The following ABRAXAS1 variants were observed in gnomAD, a reference collection of about 807,000 sequenced individuals.
ABRAXAS1 encodes the protein BRCA1-A complex subunit Abraxas 1.
ABRAXAS1 carries 26 observed loss-of-function variants against 38.4 expected under a neutral mutation model. That is an observed-to-expected ratio of 0.68 (90% CI 0.50 to 0.94). The LOEUF is 0.94. Ranked by LOEUF, ABRAXAS1 falls within the 40% of genes least tolerant of loss-of-function variation. ABRAXAS1 has a pLI of 0.00. For synonymous variants in ABRAXAS1, 144 were observed against 165.5 expected (o/e 0.87, Z 1.00); for missense variants, 438 against 481.9 (o/e 0.91, Z 0.85).
intron 7 of ABRAXAS1, among the ~76,000 whole-genome samples, chr4:83,466,124 T>C (rs1722343280): frequency 6.6e-6 from 1 of 152,168 alleles, no homozygotes; most frequent in South Asian, 2.1e-4. Flanking sequence ...AAAGACTCCC[T>C]ATCAGCCTAG....
At chr4:83,482,775 G>C (rs1263280585) in intron 1 of ABRAXAS1, among the ~76,000 whole-genome samples, 1 of 152,062 alleles carries the variant, frequency 6.6e-6, no homozygotes, top group Non-Finnish European at 1.5e-5. Context: ...TAGCCCTGGG[G>C]AGGCTACAGA....
chr4:83,462,138 C>A lies in ABRAXAS1; in HGVS notation c.*331G>T. On this transcript the variant is annotated 3_prime_UTR_variant, in exon 9 of 9. Transcript: ENST00000321945. ...TAACTCCTAACTTCAATCAATCCTC[C>A]TGACTTGTCTTCCCTAAGTGCTGGG... The A allele has an allele frequency of 3.7e-6, 1 of 268,308 alleles. No individual in the cohort carries two copies. The highest frequency in any genetic ancestry group is 5.2e-5 in the Admixed American group (1 of 19,414). 16.6% of individuals were successfully genotyped at this position (268,308 alleles called of 1,614,324 possible). A position where few individuals can be genotyped will look rare whatever the true frequency, so the allele number is the denominator to read the frequency against.
intron 6 of ABRAXAS1, among the ~76,000 whole-genome samples, chr4:83,467,844 CTA>C (rs1382417528): frequency 6.6e-6 from 1 of 152,114 alleles, no homozygotes; most frequent in Non-Finnish European, 1.5e-5. Flanking sequence ...AAAAAAGTCT[CTA>C]TTGGCAATGG....
intron 1 of ABRAXAS1, among the ~76,000 whole-genome samples, chr4:83,483,538 G>A (rs528111884): frequency 2.2e-4 from 34 of 151,928 alleles, no homozygotes; most frequent in African/African-American, 7.5e-4. Flanking sequence ...CTGCCTCCGC[G>A]TCCCAAAGTG....
rs1722700241 is a variant in ABRAXAS1, at chr4:83,474,567, C to T, written c.215+2076G>A. On this transcript the variant is annotated intron_variant, in intron 3 of 8. Coordinates refer to ENST00000321945, the MANE Select transcript of ABRAXAS1 (RefSeq NM_139076.3). ...TCTCTACTAAAAATACAAAAAAAAT[C>T]AGCCGGGCTTGGTGGCACCCATCTG... Among the ~76,000 whole-genome samples the T allele has an allele frequency of 2.0e-5, 3 of 151,942 alleles. No homozygotes were observed. The South Asian group carries it at 6.2e-4, about 32-fold the overall frequency.
chr4:83,473,577 G>A (rs888752411), intron 3 of ABRAXAS1, among the ~76,000 whole-genome samples: 3 of 151,770 alleles, frequency 2.0e-5, no homozygotes, highest in Non-Finnish European at 2.9e-5. Context: ...TTTGAGACAC[G>A]GTCTCGCTCT....
In ABRAXAS1 at chr4:83,482,150, T is replaced by C. The variant is rs879236974; in HGVS notation, c.178+4A>G. 6.3e-7 allele frequency: 1 copy of C among 1,576,922 alleles called. No individual in the cohort carries two copies. The highest frequency in any genetic ancestry group is 1.1e-5 in the South Asian group (1 of 88,412). On this transcript the variant is annotated splice_donor_region_variant and intron_variant, in intron 2 of 8. Coordinates refer to ENST00000321945, the MANE Select transcript of ABRAXAS1 (RefSeq NM_139076.3). ...TTCAAATATAGGAGAAATAAATAACTCACCAATTGTATAAACAACTTCAAC... is the reference window on the plus strand; with the variant it reads ...TTCAAATATAGGAGAAATAAATAACCCACCAATTGTATAAACAACTTCAAC...
rs746885355 is a variant in ABRAXAS1, at chr4:83,463,585, G to A, written c.705C>T (p.Asp235=). 6.2e-7 allele frequency: 1 copy of A among 1,607,856 alleles called. No homozygotes were observed. Among genetic ancestry groups the A allele is most frequent in the South Asian group, 1.1e-5 (1 of 90,100 alleles). The part of the protein sequence containing the change: ...ELKSICKKVE[D]SEQAVDKLVK... ...CTAGTTTATCTACTGCTTGTTCACT[G>A]TCTTCCACTTTTTTGCATATACTCT... Residue 235 remains aspartate, a synonymous_variant, in exon 8 of 9, where the codon GAC becomes GAT. Transcript: ENST00000321945.
At chr4:83,474,002 C>T (rs570893385) in intron 3 of ABRAXAS1, among the ~76,000 whole-genome samples, 234 of 151,364 alleles carry the variant, frequency 1.5e-3, no homozygotes, top group South Asian at 8.4e-3. Flanking sequence ...ATTAGCCAGG[C>T]GTGGTGGTGC....
At chr4:83,466,685 A>G (rs543025659) in intron 7 of ABRAXAS1, among the ~76,000 whole-genome samples, 22 of 151,992 alleles carry the variant, frequency 1.4e-4, no homozygotes, top group Admixed American at 7.9e-4. Context: ...ACAGGCGCCC[A>G]CCACCATGCC....
At chr4:83,471,333 A>G (rs1416930725) in intron 4 of ABRAXAS1, among the ~76,000 whole-genome samples, 2 of 149,798 alleles carry the variant, frequency 1.3e-5, no homozygotes, top group African/African-American at 4.9e-5. Flanking sequence ...CCTCCTGAGT[A>G]GCTCAGATTA....
intron 4 of ABRAXAS1, among the ~76,000 whole-genome samples, chr4:83,471,186 A>T (rs1458499776): frequency 6.9e-6 from 1 of 144,084 alleles, no homozygotes; most frequent in South Asian, 2.2e-4. Context: ...TGTTGAAAGA[A>T]ACATCTTTTT....
chr4:83,473,706 G>A (rs994715041), intron 3 of ABRAXAS1, among the ~76,000 whole-genome samples: 12 of 151,802 alleles, frequency 7.9e-5, no homozygotes, highest in African/African-American at 2.9e-4. Context: ...TGTAAAGAGG[G>A]AGTTTCGCCA....
chr4:83,462,216 G>A lies in ABRAXAS1; in HGVS notation c.*253C>T. 1 of 400,826 alleles carries A rather than the reference G, an allele frequency of 2.5e-6. No homozygotes were observed. Among genetic ancestry groups the A allele is most frequent in the South Asian group, 3.3e-5 (1 of 30,316 alleles). The allele number at this position is 400,826 out of a possible 1,614,324, so 24.8% of individuals were successfully genotyped here. On this transcript the variant is annotated 3_prime_UTR_variant, in exon 9 of 9. Transcript: ENST00000321945. ...TCTCACTTTTCCAATTCTAAAGAAT[G>A]TGTCTGTGTAAGCCTTCCCCTCAAC...
At position 83,463,475 on chromosome 4, in the gene ABRAXAS1, A is replaced by C. The variant is rs1255229836; in HGVS notation, c.796+19T>G. On this transcript the variant is annotated intron_variant, in intron 8 of 8. Coordinates refer to ENST00000321945, the MANE Select transcript of ABRAXAS1 (RefSeq NM_139076.3). ...TAAAAATTTTTAGCACAGAAAGTAG[A>C]GATGTGTTGTTTACTTACTTGCTGC... is the stretch of plus-strand genomic sequence containing the variant. The C allele has an allele frequency of 2.0e-6, 3 of 1,474,934 alleles. No individual in the cohort carries two copies. Among genetic ancestry groups the C allele is most frequent in the South Asian group, 2.4e-5 (2 of 83,554 alleles). The allele number at this position is 1,474,934 out of a possible 1,614,324, so 91.4% of individuals were successfully genotyped here.
chr4:83,478,043 A>C (rs1722847846), intron 2 of ABRAXAS1: 1 of 993,318 alleles, frequency 1.0e-6, no homozygotes, highest in Non-Finnish European at 1.6e-6. Context: ...TCTGTGGAGG[A>C]GTGTGGTTCC....
In ABRAXAS1 at chr4:83,484,099, C is replaced by A. The variant is rs1425836557; in HGVS notation, c.87+887G>T. 4 of 943,162 alleles carry A rather than the reference C, an allele frequency of 4.2e-6. No homozygotes were observed. The African/African-American group carries it at 5.3e-5, about 13-fold the overall frequency. 58.4% of individuals were successfully genotyped at this position (943,162 alleles called of 1,614,324 possible). A position where few individuals can be genotyped will look rare whatever the true frequency, so the allele number is the denominator to read the frequency against. On this transcript the variant is annotated intron_variant, in intron 1 of 8. Coordinates refer to ENST00000321945, the MANE Select transcript of ABRAXAS1 (RefSeq NM_139076.3). ...TCCCCGATGGTCTCGAACTCGTGGG[C>A]TCAGGTGATTCACCCGCCTCGGCTT...
At position 83,461,530 on chromosome 4, in the gene ABRAXAS1, A is replaced by G. The variant is rs749646384; in HGVS notation, c.*939T>C. ...AAATATAAGTATGCCTGGTTAAGAT[A>G]TCTTCCCTTTGTAGAAATGTTACAT... On this transcript the variant is annotated 3_prime_UTR_variant, in exon 9 of 9. Coordinates refer to ENST00000321945, the MANE Select transcript of ABRAXAS1 (RefSeq NM_139076.3). 9.3e-6 allele frequency: 3 copies of G among 324,018 alleles called. No homozygotes were observed. Among genetic ancestry groups the G allele is most frequent in the Non-Finnish European group, 1.8e-5 (3 of 171,038 alleles). 20.1% of individuals were successfully genotyped at this position (324,018 alleles called of 1,614,324 possible).
chr4:83,483,068 T>A (rs1578137326), intron 1 of ABRAXAS1, among the ~76,000 whole-genome samples: 1 of 152,194 alleles, frequency 6.6e-6, no homozygotes, highest in South Asian at 2.1e-4. Flanking sequence ...AATGACAAGA[T>A]TAGTGTTTTC....
Sources: gnomAD v4.1 joint callset for allele counts (sites outside exome capture counted in the v4.1 genomes callset) on GRCh38, gnomAD v4.1.1 for gene constraint, MANE v1.5 for transcripts, NCBI Gene and HGNC (gene_info 2026-07-23, HGNC 2026-07-21) for gene names.